Variants in PAX2 observed in about 807,000 individuals in gnomAD.
PAX2 encodes the protein paired box 2.
A neutral mutation model predicts 41.7 loss-of-function variants in PAX2; 9 were observed. The ratio of observed to expected loss-of-function variants is 0.22; its 90% CI spans 0.13 to 0.38. PAX2 has a LOEUF of 0.38. Ranked by LOEUF, PAX2 falls within the 10% of genes least tolerant of loss-of-function variation. The pLI is 1.00. For missense variants in PAX2, 418 were observed against 531.6 expected (o/e 0.79, Z 2.10); for synonymous variants, 221 against 212.7 (o/e 1.04, Z -0.34).
chr10:100,775,606 C>T (rs776333474), intron 3 of PAX2, among the ~76,000 whole-genome samples: 4 of 152,198 alleles, frequency 2.6e-5, no homozygotes, highest in Admixed American at 6.5e-5. Context: ...GGGTCAGAGG[C>T]TCTGGGTAAC....
At chr10:100,765,967 A>C (rs1035747629) in intron 3 of PAX2, among the ~76,000 whole-genome samples, 3 of 152,222 alleles carry the variant, frequency 2.0e-5, no homozygotes, top group African/African-American at 7.2e-5. Context: ...ACAAGTGCTT[A>C]CTACAGTAGG....
intron 1 of PAX2, chr10:100,747,907 C>T: frequency 1.0e-6 from 1 of 983,848 alleles, no homozygotes; most frequent in Non-Finnish European, 1.2e-6. Flanking sequence ...GCCGGGGGTC[C>T]GCCGAGTCCT....
intron 3 of PAX2, among the ~76,000 whole-genome samples, chr10:100,768,925 G>A (rs777529097): frequency 1.3e-5 from 2 of 152,170 alleles, no homozygotes; most frequent in African/African-American, 2.4e-5. Flanking sequence ...AGTTGAATTC[G>A]AATGAGAAAA....
intron 1 of PAX2, chr10:100,735,817 C>T: frequency 2.2e-6 from 2 of 898,436 alleles, no homozygotes; most frequent in South Asian, 1.0e-4. Context: ...GCGGGCTCCT[C>T]TCCTCTTTCA....
intron 5 of PAX2, among the ~76,000 whole-genome samples, chr10:100,793,722 C>T (rs1847221798): frequency 6.6e-6 from 1 of 152,186 alleles, no homozygotes; most frequent in African/African-American, 2.4e-5. Context: ...TTTCAGTGAG[C>T]TAAGAGTCCT....
Position 100,777,097 on chromosome 10 carries a change from ATTT to A in PAX2, c.411-2381_411-2379del, listed in dbSNP as rs532321832. ...TGAGTCTTCCCTAATTGGTACTGTGATTTTTTTTTTTTTTTTTTTTTTGAGACG... is the reference window on the plus strand; with the variant it reads ...TGAGTCTTCCCTAATTGGTACTGTGATTTTTTTTTTTTTTTTTTTGAGACG... On this transcript the variant is annotated intron_variant, in intron 3 of 9. Transcript: ENST00000355243. 8.8e-3 allele frequency among the ~76,000 whole-genome samples: 1,077 copies of A among 122,330 alleles called. 12 individuals are homozygous for A. Among genetic ancestry groups the A allele is most frequent in the African/African-American group, 0.029 (960 of 32,852 alleles). The allele number at this position is 122,330 out of a possible 152,430, so 80.3% of individuals were successfully genotyped here. A position where few individuals can be genotyped will look rare whatever the true frequency, so the allele number is the denominator to read the frequency against.
chr10:100,735,854 A>G lies in PAX2; in HGVS notation c.25+121A>G, dbSNP rs1026282539. 5 of 640,264 alleles carry G rather than the reference A, an allele frequency of 7.8e-6. No homozygotes were observed. The Admixed American group carries it at 2.4e-4, about 31-fold the overall frequency. 39.7% of individuals were successfully genotyped at this position (640,264 alleles called of 1,614,324 possible). A position where few individuals can be genotyped will look rare whatever the true frequency, so the allele number is the denominator to read the frequency against. ...CCCTGTGCTCAGTACCCGGCGGGCG[A>G]CGTGAAGGCTGGGGACTGAGGCTCT... On this transcript the variant is annotated intron_variant, in intron 1 of 9. Transcript: ENST00000679374.
Position 100,819,307 on chromosome 10 carries a change from G to A in PAX2, c.920-5341G>A, listed in dbSNP as rs538420628. Among the ~76,000 whole-genome samples, 462 of 147,262 alleles carry A rather than the reference G, an allele frequency of 3.1e-3. 3 individuals are homozygous for A. The highest frequency in any genetic ancestry group is 0.011 in the African/African-American group (437 of 39,752). Reference sequence around the variant, plus strand: ...TCAATGGCTGGTCCCAGTGGCTCACGCCTGTAATCCCAGCACTTTGGGAGG... The same window carrying A: ...TCAATGGCTGGTCCCAGTGGCTCACACCTGTAATCCCAGCACTTTGGGAGG... On this transcript the variant is annotated intron_variant, in intron 7 of 9. Transcript: ENST00000355243.
At chr10:100,792,132 AT>A (rs1014062770) in intron 5 of PAX2, among the ~76,000 whole-genome samples, 1 of 152,138 alleles carries the variant, frequency 6.6e-6, no homozygotes, top group Non-Finnish European at 1.5e-5. Flanking sequence ...TAGAGACCGT[AT>A]TTTTTTTCCT....
intron 6 of PAX2, among the ~76,000 whole-genome samples, chr10:100,806,884 T>C (rs1315188858): frequency 6.6e-6 from 1 of 152,182 alleles, no homozygotes; most frequent in Non-Finnish European, 1.5e-5. Context: ...TCCCCATCTA[T>C]AGAATGAAGG....
In PAX2 at chr10:100,799,789, C is replaced by CTTT. The variant is rs56012188; in HGVS notation, c.617-6622_617-6620dup. On this transcript the variant is annotated intron_variant, in intron 5 of 9. Coordinates refer to ENST00000355243, the MANE Select transcript of PAX2 (RefSeq NM_000278.5). Reference sequence around the variant, plus strand: ...TTAGAAAACTGAAGTTAGTGTAATTCTTTTTTTTTTTTTTTTTTTTTCTGA... The same window carrying CTTT: ...TTAGAAAACTGAAGTTAGTGTAATTCTTTTTTTTTTTTTTTTTTTTTTTTCTGA... Among the ~76,000 whole-genome samples the CTTT allele has an allele frequency of 5.1e-3, 457 of 89,896 alleles. 6 individuals are homozygous for CTTT. Among genetic ancestry groups the CTTT allele is most frequent in the South Asian group, 0.029 (59 of 2,032 alleles). 59.0% of individuals were successfully genotyped at this position (89,896 alleles called of 152,430 possible).
rs979073759 is a variant in PAX2, at chr10:100,827,910, C to G, written c.*291C>G. The G allele has an allele frequency of 1.4e-5, 6 of 428,170 alleles. No individual in the cohort carries two copies. Among genetic ancestry groups the G allele is most frequent in the African/African-American group, 2.1e-5 (1 of 47,162 alleles). 26.5% of individuals were successfully genotyped at this position (428,170 alleles called of 1,614,324 possible). A position where few individuals can be genotyped will look rare whatever the true frequency, so the allele number is the denominator to read the frequency against. On this transcript the variant is annotated 3_prime_UTR_variant, in exon 10 of 10. Transcript: ENST00000355243. The surrounding 1 kb of genome is among the most constrained non-coding windows in gnomAD (Gnocchi z 8.5). ...ACTGCGCGGCGCCGTGAGGGGGATTCGGCCCAGCTCGTCCCGGCCTCCACC... is the reference window on the plus strand; with the variant it reads ...ACTGCGCGGCGCCGTGAGGGGGATTGGGCCCAGCTCGTCCCGGCCTCCACC...
At position 100,826,823 on chromosome 10, in the gene PAX2, C is replaced by T. The variant is rs1173688547; in HGVS notation, c.1022-186C>T. 1.3e-5 allele frequency among the ~76,000 whole-genome samples: 2 copies of T among 152,186 alleles called. No individual in the cohort carries two copies. The highest frequency in any genetic ancestry group is 2.9e-5 in the Non-Finnish European group (2 of 68,022). On this transcript the variant is annotated intron_variant, in intron 8 of 9. Transcript: ENST00000355243. The surrounding 1 kb of genome is among the most constrained non-coding windows in gnomAD (Gnocchi z 5.5). ...CGTCGGTGCCTCCCGCCTCCCCGGG[C>T]TCTCTCCACGCGGACGCGGTGATCG...
chr10:100,802,652 C>T (rs1409664001), intron 5 of PAX2, among the ~76,000 whole-genome samples: 7 of 152,106 alleles, frequency 4.6e-5, no homozygotes, highest in Non-Finnish European at 5.9e-5. Flanking sequence ...GTCTGAGTAC[C>T]TACTCGGGGC....
intron 5 of PAX2, among the ~76,000 whole-genome samples, chr10:100,803,452 C>G (rs1847640308): frequency 6.6e-6 from 1 of 151,990 alleles, no homozygotes; most frequent in African/African-American, 2.4e-5. Flanking sequence ...GGATGCCACC[C>G]CCTCCTCTGG....
rs568171339 is a variant in PAX2, at chr10:100,771,032, T to C, written c.411-8466T>C. Reference sequence around the variant, plus strand: ...GAGTTCAGAAACTCTAATTCAGGTCTAAGATGGGACCCGGTGATTTGCATT... The same window carrying C: ...GAGTTCAGAAACTCTAATTCAGGTCCAAGATGGGACCCGGTGATTTGCATT... On this transcript the variant is annotated intron_variant, in intron 3 of 9. Transcript: ENST00000355243. Among the ~76,000 whole-genome samples, 52 of 152,210 alleles carry C rather than the reference T, an allele frequency of 3.4e-4. 1 individual carries two copies. The highest frequency in any genetic ancestry group is 6.3e-4 in the Non-Finnish European group (43 of 68,036).
intron 7 of PAX2, among the ~76,000 whole-genome samples, chr10:100,811,309 A>G (rs1589888491): frequency 6.6e-6 from 1 of 152,330 alleles, no homozygotes; most frequent in African/African-American, 2.4e-5. Context: ...TGTTGATTTT[A>G]TGTCCTCCTA....
intron 5 of PAX2, among the ~76,000 whole-genome samples, chr10:100,785,373 G>T (rs1846804790): frequency 6.6e-6 from 1 of 152,218 alleles, no homozygotes; most frequent in Non-Finnish European, 1.5e-5. Flanking sequence ...CTGTGTGAGG[G>T]AGGTGTGTTG....
At chr10:100,806,051 A>T (rs1225207417) in intron 5 of PAX2, among the ~76,000 whole-genome samples, 1 of 152,164 alleles carries the variant, frequency 6.6e-6, no homozygotes, top group East Asian at 1.9e-4. Flanking sequence ...TGCCAGTCTG[A>T]GACACCCAGC....
Sources: allele counts gnomAD v4.1 joint callset (sites outside exome capture counted in the v4.1 genomes callset), GRCh38; gene constraint gnomAD v4.1.1; non-coding constraint Gnocchi (gnomAD v3.1); transcripts MANE v1.5; gene names NCBI Gene and HGNC (gene_info 2026-07-23, HGNC 2026-07-21).